Variants in DLGAP2 observed in about 807,000 individuals in gnomAD.
DLGAP2 encodes DLG associated protein 2, also known as disks large-associated protein 2.
DLGAP2 carries 26 observed loss-of-function variants against 100.3 expected under a neutral mutation model. That is an observed-to-expected ratio of 0.26 (90% confidence interval 0.19 to 0.36). DLGAP2 has a LOEUF of 0.36. Ranked by LOEUF, DLGAP2 falls within the 10% of genes least tolerant of loss-of-function variation. DLGAP2 has a pLI of 1.00. For synonymous variants in DLGAP2, 886 were observed against 630.1 expected (o/e 1.41, Z -6.08); for missense variants, 1,858 against 1,453.2 (o/e 1.28, Z -4.53).
chr8:1,216,845 A>C (rs1007004322), intron 2 of DLGAP2, among the ~76,000 whole-genome samples: 1 of 152,146 alleles, frequency 6.6e-6, no homozygotes, highest in Non-Finnish European at 1.5e-5. Context: ...TTTCTGTCTT[A>C]GTTGGGGGAA....
intron 2 of DLGAP2, among the ~76,000 whole-genome samples, chr8:1,111,025 C>T (rs1385485189): frequency 6.6e-6 from 1 of 152,176 alleles, no homozygotes; most frequent in Non-Finnish European, 1.5e-5. Flanking sequence ...CTTGTGCTTG[C>T]TGGAACACAT....
chr8:1,443,641 C>T (rs1797901383), intron 3 of DLGAP2, among the ~76,000 whole-genome samples: 1 of 152,140 alleles, frequency 6.6e-6, no homozygotes, highest in African/African-American at 2.4e-5. Flanking sequence ...GAATGAGCAG[C>T]AAAGTCACAT....
rs552932202 is a variant in DLGAP2 at position 1,633,056 on chromosome 8, C to T, written c.1810+10C>T. On this transcript the variant is annotated intron_variant, in intron 8 of 14. Transcript: ENST00000637795. ...ATCAGGTCAACAGCAGGTAAGGGGA[C>T]GCCATTTTCAGCCTTCCAGCGGGGA... The T allele has an allele frequency of 2.0e-4, 328 of 1,613,812 alleles. 4 individuals carry two copies. In the South Asian group the frequency reaches 3.2e-3, roughly 16 times the overall value.
At chr8:1,482,582 T>C (rs962629408) in intron 3 of DLGAP2, among the ~76,000 whole-genome samples, 1 of 152,272 alleles carries the variant, frequency 6.6e-6, no homozygotes, top group African/African-American at 2.4e-5. Flanking sequence ...CTCACTGGCA[T>C]GGCTCGCTCT....
intron 2 of DLGAP2, among the ~76,000 whole-genome samples, chr8:1,199,201 T>C (rs772979875): frequency 6.6e-6 from 1 of 152,188 alleles, no homozygotes; most frequent in Non-Finnish European, 1.5e-5. Flanking sequence ...AGTGTAGAAA[T>C]GAGATTTTAA....
At chr8:1,126,135 C>T (rs1300102086) in intron 2 of DLGAP2, among the ~76,000 whole-genome samples, 1 of 152,222 alleles carries the variant, frequency 6.6e-6, no homozygotes, top group Non-Finnish European at 1.5e-5. Context: ...ATACGTGAGG[C>T]AGTGGTGCCG....
intron 6 of DLGAP2, among the ~76,000 whole-genome samples, chr8:1,569,680 T>C (rs1802572086): frequency 6.6e-6 from 1 of 152,232 alleles, no homozygotes; most frequent in Admixed American, 6.5e-5. Flanking sequence ...ATGCCTGTTT[T>C]ATGGACAGAA....
intron 3 of DLGAP2, among the ~76,000 whole-genome samples, chr8:1,473,524 C>T (rs1442645986): frequency 2.0e-5 from 3 of 152,222 alleles, no homozygotes; most frequent in Admixed American, 1.3e-4. Context: ...AGGGAAAAAG[C>T]TGCATCTGTG....
intron 2 of DLGAP2, among the ~76,000 whole-genome samples, chr8:929,970 T>C (rs1400396484): frequency 6.6e-6 from 1 of 152,064 alleles, no homozygotes; most frequent in Non-Finnish European, 1.5e-5. Flanking sequence ...CTTCCTGCCA[T>C]TGCAGTTCTA....
At chr8:1,477,219 C>T (rs1374291231) in intron 3 of DLGAP2, among the ~76,000 whole-genome samples, 5 of 152,142 alleles carry the variant, frequency 3.3e-5, no homozygotes, top group African/African-American at 1.2e-4. Context: ...ATGAGAGATC[C>T]CACCCACCCT....
intron 3 of DLGAP2, among the ~76,000 whole-genome samples, chr8:1,281,492 C>A (rs1486510140): frequency 6.6e-6 from 1 of 152,198 alleles, no homozygotes; most frequent in East Asian, 1.9e-4. Context: ...GCTGAACACA[C>A]ATCAGCCCCG....
intron 1 of DLGAP2, among the ~76,000 whole-genome samples, chr8:763,621 G>T: frequency 6.6e-6 from 1 of 152,182 alleles, no homozygotes; most frequent in Non-Finnish European, 1.5e-5. Context: ...AGGCAGGTGA[G>T]CAGATGGTGG....
chr8:1,323,018 C>G (rs10503162), intron 3 of DLGAP2, among the ~76,000 whole-genome samples: 87,500 of 151,580 alleles, frequency 0.58, 26,044 homozygotes, highest in South Asian at 0.77. Context: ...GATGTTGACA[C>G]TGTTAAACTC....
At chr8:854,267 G>C (rs901154577) in intron 1 of DLGAP2, among the ~76,000 whole-genome samples, 1 of 152,152 alleles carries the variant, frequency 6.6e-6, no homozygotes, top group South Asian at 2.1e-4. Context: ...GCTTGTGTAG[G>C]GGACCTTAGA....
At chr8:1,682,526 G>C (rs909602527) in intron 12 of DLGAP2, among the ~76,000 whole-genome samples, 3 of 151,542 alleles carry the variant, frequency 2.0e-5, no homozygotes, top group African/African-American at 4.8e-5. Context: ...CCAGGCTGGA[G>C]TGCAATGGCA....
At chr8:1,338,656 AAAAC>A (rs1362860915) in intron 3 of DLGAP2, among the ~76,000 whole-genome samples, 4 of 152,222 alleles carry the variant, frequency 2.6e-5, no homozygotes, top group Non-Finnish European at 2.9e-5. Flanking sequence ...TTAAAAATCT[AAAAC>A]AAACCAAAAA....
chr8:1,368,576 G>C (rs368454454), intron 3 of DLGAP2: 1 of 152,142 alleles, frequency 6.6e-6, no homozygotes, highest in Admixed American at 6.5e-5. Context: ...GGCCTATTTG[G>C]GGAGGATTAA....
intron 8 of DLGAP2, among the ~76,000 whole-genome samples, chr8:1,659,807 C>G (rs1382116697): frequency 6.6e-6 from 1 of 152,138 alleles, no homozygotes; most frequent in Non-Finnish European, 1.5e-5. Context: ...GTTTGCCATT[C>G]TGTGTCTTTT....
intron 4 of DLGAP2, among the ~76,000 whole-genome samples, chr8:1,538,154 T>A (rs1172451549): frequency 1.3e-5 from 2 of 152,196 alleles, no homozygotes; most frequent in Non-Finnish European, 2.9e-5. Context: ...CAGTCCTCCC[T>A]GCATTCCCTG....
Sources: gnomAD v4.1 joint callset for allele counts (sites outside exome capture counted in the v4.1 genomes callset) on GRCh38, gnomAD v4.1.1 for gene constraint, MANE v1.5 for transcripts, NCBI Gene and HGNC (gene_info 2026-07-23, HGNC 2026-07-21) for gene names.